MYH10: variants seen among roughly 807,000 people sequenced by gnomAD.
MYH10 encodes myosin heavy chain 10.
MYH10 carries 55 observed loss-of-function variants against 257.8 expected under a neutral mutation model. That is an observed-to-expected ratio of 0.21 (90% CI 0.17 to 0.27). The LOEUF (loss-of-function observed/expected upper bound fraction) is 0.27, where lower values mean the gene tolerates loss of function less well. Among genes scored for constraint, MYH10 ranks in the 10% least tolerant of loss-of-function variants. The pLI is 1.00. For synonymous variants in MYH10, 854 were observed against 921.7 expected (o/e 0.93, Z 1.33); for missense variants, 1,631 against 2,500.6 (o/e 0.65, Z 7.42).
intron 2 of MYH10, among the ~76,000 whole-genome samples, chr17:8,610,310 C>T (rs1597970623): frequency 1.9e-5 from 2 of 105,074 alleles, no homozygotes; most frequent in South Asian, 3.3e-4. Context: ...GGGAAGCGGC[C>T]GGGCATGGTA....
chr17:8,556,801 G>A (rs951013555), intron 7 of MYH10, among the ~76,000 whole-genome samples: 1 of 152,132 alleles, frequency 6.6e-6, no homozygotes, highest in African/African-American at 2.4e-5. Context: ...GAGATCTTAG[G>A]AACTCCTAGA....
In MYH10 at chr17:8,477,154, AGCACGCGTGT is replaced by A; in HGVS notation, c.5707-116_5707-107del. On this transcript the variant is annotated intron_variant, in intron 41 of 42. Coordinates refer to ENST00000360416, the MANE Select transcript of MYH10 (RefSeq NM_001256012.3). This position sits in a 1 kb window ranked among gnomAD's most constrained non-coding sequence, Gnocchi z 4.2. ...TGGGGCTCTGCCTGTTACCCTTGTG[AGCACGCGTGT>A]ACACGGATGTACACGCGTGCCTGGG... The A allele has an allele frequency of 7.6e-7, 1 of 1,308,062 alleles. No homozygotes were observed. Among genetic ancestry groups the A allele is most frequent in the East Asian group, 2.3e-5 (1 of 43,018 alleles). The allele number at this position is 1,308,062 out of a possible 1,614,324, so 81.0% of individuals were successfully genotyped here.
intron 40 of MYH10, 27 bp downstream of exon 40, chr17:8,480,083 T>C: frequency 1.2e-6 from 2 of 1,611,110 alleles, no homozygotes; most frequent in Admixed American, 1.7e-5. Context: ...TGGTAAGTTT[T>C]GGTTTACGGT....
chr17:8,606,553 T>C (rs1388181288), intron 2 of MYH10, among the ~76,000 whole-genome samples: 2 of 152,144 alleles, frequency 1.3e-5, no homozygotes, highest in Admixed American at 6.5e-5. Flanking sequence ...CCCCCAGCAA[T>C]TGCCACCAGA....
chr17:8,485,267 G>A (rs939553449), intron 36 of MYH10, among the ~76,000 whole-genome samples: 1 of 151,514 alleles, frequency 6.6e-6, no homozygotes, highest in Non-Finnish European at 1.5e-5. Context: ...ATAAACTTAG[G>A]TATAAAGAAA....
intron 27 of MYH10, chr17:8,505,978 C>CAAA: frequency 6.9e-6 from 1 of 145,640 alleles, no homozygotes; most frequent in Middle Eastern, 3.0e-3. Flanking sequence ...AGACTCCATT[C>CAAA]AAAAAAAAAA....
chr17:8,557,356 GGGGA>G (rs1314207443), intron 7 of MYH10, among the ~76,000 whole-genome samples: 2 of 152,090 alleles, frequency 1.3e-5, no homozygotes, highest in Non-Finnish European at 2.9e-5. Flanking sequence ...GAATGTGTGT[GGGGA>G]GTGTGGGGGA....
In MYH10 at chr17:8,577,130, G is replaced by A. The variant is rs530176887; in HGVS notation, c.633+106C>T. On this transcript the variant is annotated intron_variant, in intron 5 of 42. Transcript: ENST00000360416. ...TGGCGGGGAGCAGGTGGAGACAAGG[G>A]AGCTGTCAGTTATAGCAGTGTGGAG... 1.4e-5 allele frequency: 11 copies of A among 770,332 alleles called. No individual in the cohort carries two copies. The African/African-American group carries it at 1.7e-4, about 12-fold the overall frequency. The allele number at this position is 770,332 out of a possible 1,614,324, so 47.7% of individuals were successfully genotyped here. A position where few individuals can be genotyped will look rare whatever the true frequency, so the allele number is the denominator to read the frequency against.
In MYH10 at chr17:8,577,241, T is replaced by C; in HGVS notation, c.628A>G (p.Ile210Val). The C allele has an allele frequency of 6.2e-7, 1 of 1,603,446 alleles. No homozygotes were observed. Among genetic ancestry groups the C allele is most frequent in the Non-Finnish European group, 8.5e-7 (1 of 1,172,362 alleles). ...SSHKGRKDHN[I>V]PQESPKPVKH... ...ACAACAGAGCAGAAACTTACAGGAA[T>C]ATTATGGTCCTTTCTTCCTTTATGT... is the stretch of plus-strand genomic sequence containing the variant. Residue 210 changes from isoleucine (I) to valine (V), a missense_variant, in exon 5 of 43, where the codon ATT (isoleucine) becomes GTT (valine). This residue lies in a region of MYH10 where 360 missense variants were observed against 581.9 expected (regional missense o/e 0.62). Transcript: ENST00000360416.
chr17:8,610,271 C>CAAATAAAAAAA (rs2084977918), intron 2 of MYH10, among the ~76,000 whole-genome samples: 1 of 45,972 alleles, frequency 2.2e-5, no homozygotes, highest in Admixed American at 3.6e-4. Flanking sequence ...CATAGGATTG[C>CAAATAAAAAAA]AAAAAAAAAA....
chr17:8,613,015 A>G (rs1266840166), intron 2 of MYH10, among the ~76,000 whole-genome samples: 1 of 152,228 alleles, frequency 6.6e-6, no homozygotes. Context: ...ACTTTACCTA[A>G]GCCCATCACA....
chr17:8,571,169 T>C (rs1483491471), intron 6 of MYH10, among the ~76,000 whole-genome samples: 1 of 62,456 alleles, frequency 1.6e-5, no homozygotes, highest in Non-Finnish European at 3.5e-5. Context: ...ATTTTTCCTG[T>C]AAAGTTTTTG....
At chr17:8,629,247 CA>C (rs1189181679) in intron 1 of MYH10, among the ~76,000 whole-genome samples, 7 of 152,126 alleles carry the variant, frequency 4.6e-5, no homozygotes, top group Non-Finnish European at 8.8e-5. Flanking sequence ...TCAGCAAAGC[CA>C]AAGTATTATG....
At chr17:8,476,207 TG>T (rs1470029881) in intron 42 of MYH10, among the ~76,000 whole-genome samples, 1 of 152,114 alleles carries the variant, frequency 6.6e-6, no homozygotes, top group Non-Finnish European at 1.5e-5. Context: ...GTGATGGAAA[TG>T]GTAAGGAAGA....
intron 37 of MYH10, among the ~76,000 whole-genome samples, chr17:8,483,590 T>G (rs1431285645): frequency 6.6e-6 from 1 of 152,278 alleles, no homozygotes; most frequent in East Asian, 1.9e-4. Flanking sequence ...ATGTTGATTA[T>G]CCATCATTTA....
At chr17:8,556,289 T>C (rs2082792917) in intron 7 of MYH10, among the ~76,000 whole-genome samples, 1 of 152,204 alleles carries the variant, frequency 6.6e-6, no homozygotes, top group Non-Finnish European at 1.5e-5. Flanking sequence ...GAGAAAGGAA[T>C]GCATGCATCC....
At chr17:8,620,567 G>C (rs965687895) in intron 2 of MYH10, among the ~76,000 whole-genome samples, 1 of 150,204 alleles carries the variant, frequency 6.7e-6, no homozygotes, top group African/African-American at 2.5e-5. Context: ...ATAAATTTAT[G>C]TTATATCTTA....
intron 7 of MYH10, among the ~76,000 whole-genome samples, chr17:8,556,575 T>C (rs2082805647): frequency 6.6e-6 from 1 of 152,180 alleles, no homozygotes; most frequent in Non-Finnish European, 1.5e-5. Flanking sequence ...CTGAAAACTC[T>C]AGGGACAGAA....
At position 8,487,499 on chromosome 17, in the gene MYH10, G is replaced by A. The variant is rs147066424; in HGVS notation, c.4980C>T (p.Leu1660=). The change falls in exon 36 of 43, where the codon CTC becomes CTT. Residue 1660 remains leucine, a synonymous_variant. Transcript: ENST00000360416. The part of the protein sequence containing the change: ...KKKMEIDLKD[L]EAQIEAANKA... ...TGTTCGCAGCCTCGATTTGGGCTTC[G>A]AGGTCCTTCAGGTCTATCTCCATCT... is the stretch of plus-strand genomic sequence containing the variant. 7 of 1,614,178 alleles carry A rather than the reference G, an allele frequency of 4.3e-6. No individual in the cohort carries two copies. Among genetic ancestry groups the A allele is most frequent in the African/African-American group, 4.0e-5 (3 of 75,042 alleles).
Sources: allele counts gnomAD v4.1 joint callset (sites outside exome capture counted in the v4.1 genomes callset), GRCh38; gene constraint gnomAD v4.1.1; regional missense constraint gnomAD v4.1.1; non-coding constraint Gnocchi (gnomAD v3.1); transcripts MANE v1.5; gene names NCBI Gene and HGNC (gene_info 2026-07-23, HGNC 2026-07-21).